WASHC4: variants seen among roughly 807,000 people sequenced by gnomAD.
WASHC4 encodes WASH complex subunit 7.
WASHC4 carries 86 observed loss-of-function variants against 166.6 expected under a neutral mutation model. The observed-to-expected ratio is 0.52, with a 90% CI of 0.43 to 0.62. The LOEUF is 0.62. Among genes scored for constraint, WASHC4 ranks in the 20% least tolerant of loss-of-function variants. The probability of loss-of-function intolerance (pLI) is 0.00; values close to 1 mark genes in which losing one functional copy is unlikely to be tolerated. For synonymous variants in WASHC4, 446 were observed against 451.6 expected (o/e 0.99, Z 0.16); for missense variants, 1,262 against 1,382.4 (o/e 0.91, Z 1.38).
intron 9 of WASHC4, 72 bp from the exon 10 acceptor site, chr12:105,122,046 A>G (rs954723436): frequency 1.8e-5 from 21 of 1,154,622 alleles, no homozygotes; most frequent in African/African-American, 6.3e-5. Context: ...TTTGACTTCC[A>G]GGAAAATTTT....
Position 105,122,173 on chromosome 12 carries a change from T to G in WASHC4, c.721T>G (p.Leu241Val), listed in dbSNP as rs768481695. 6.2e-7 allele frequency: 1 copy of G among 1,611,408 alleles called. No individual in the cohort carries two copies. The highest frequency in any genetic ancestry group is 1.3e-5 in the African/African-American group (1 of 74,976). Reference sequence around the variant, plus strand: ...AAAATTTGGAATTCAGGAAGAAAAATTAAAGCCATTTGAAAAGTTCTTGCT... The same window carrying G: ...AAAATTTGGAATTCAGGAAGAAAAAGTAAAGCCATTTGAAAAGTTCTTGCT... ...PSKFGIQEEK[L>V]KPFEKFLLKL... is the part of the protein sequence containing the mutation. Residue 241 changes from leucine (L) to valine (V), a missense_variant, in exon 10 of 33, where the codon TTA becomes GTA. By Grantham distance (32) the Leu-to-Val change is conservative. Transcript: ENST00000332180.
intron 14 of WASHC4, among the ~76,000 whole-genome samples, chr12:105,136,211 C>T (rs1435703218): frequency 6.6e-6 from 1 of 152,096 alleles, no homozygotes; most frequent in South Asian, 2.1e-4. Flanking sequence ...CTCCGATGAG[C>T]CCCAAGCTCC....
intron 24 of WASHC4, 122 bp downstream of exon 24, chr12:105,147,268 AT>A (rs3215374): frequency 0.19 from 128,704 of 693,682 alleles, 12,890 homozygotes; most frequent in Admixed American, 0.23. Context: ...ATGAATTTCC[AT>A]TTTTTTTCTG....
chr12:105,157,203 A>G (rs764097348), intron 27 of WASHC4, 33 bp from the exon 28 acceptor site: 1 of 1,077,168 alleles, frequency 9.3e-7, no homozygotes, highest in Admixed American at 1.7e-5. Context: ...ATTTTACTTG[A>G]CCTAATAAAT....
intron 31 of WASHC4, 76 bp from the exon 32 acceptor site, chr12:105,164,564 TA>T (rs975576008): frequency 1.9e-6 from 2 of 1,042,130 alleles, no homozygotes; most frequent in African/African-American, 1.6e-5. Context: ...ATAAGAGGCA[TA>T]AAAATGCATA....
At chr12:105,112,556 AG>A (rs1373027691) in intron 2 of WASHC4, among the ~76,000 whole-genome samples, 24 of 152,288 alleles carry the variant, frequency 1.6e-4, no homozygotes, top group Middle Eastern at 3.4e-3. Context: ...TGAGGGTTCC[AG>A]TTTCTCTACA....
intron 25 of WASHC4, among the ~76,000 whole-genome samples, chr12:105,150,005 A>G (rs180812691): frequency 3.9e-5 from 6 of 152,344 alleles, no homozygotes; most frequent in Admixed American, 3.3e-4. Flanking sequence ...GCAATATAGA[A>G]TGGATAAACT....
chr12:105,136,693 T>C (rs897048151), intron 14 of WASHC4, among the ~76,000 whole-genome samples: 3 of 152,200 alleles, frequency 2.0e-5, no homozygotes, highest in Admixed American at 2.0e-4. Flanking sequence ...TTCCCAGGGC[T>C]GCACTAGAGT....
At position 105,126,139 on chromosome 12, in the gene WASHC4, C is replaced by A. The variant is rs753786958; in HGVS notation, c.910+12C>A. 2 of 1,612,692 alleles carry A rather than the reference C, an allele frequency of 1.2e-6. No individual in the cohort carries two copies. Among genetic ancestry groups the A allele is most frequent in the Non-Finnish European group, 1.7e-6 (2 of 1,179,248 alleles). On this transcript the variant is annotated intron_variant, in intron 11 of 32. Transcript: ENST00000332180. Reference sequence around the variant, plus strand: ...AGAAGCCAAACTTGGTAATGTAAATCGCATTTTTTGGTTTTTGTTTATAAA... The same window carrying A: ...AGAAGCCAAACTTGGTAATGTAAATAGCATTTTTTGGTTTTTGTTTATAAA...
chr12:105,133,749 C>T, intron 13 of WASHC4, 21 bp from the exon 14 acceptor site: 2 of 1,607,656 alleles, frequency 1.2e-6, no homozygotes, highest in Non-Finnish European at 1.7e-6. Flanking sequence ...GCTGAGTAAC[C>T]CCAATATTTT....
intron 7 of WASHC4, among the ~76,000 whole-genome samples, chr12:105,119,176 C>G (rs904659039): frequency 6.6e-6 from 1 of 152,094 alleles, no homozygotes; most frequent in South Asian, 2.1e-4. Flanking sequence ...GAGAAGAAGC[C>G]TCATGGAATT....
rs114471949 is a variant in WASHC4, at chr12:105,149,777, T to A, written c.2649+28T>A. ...AGGCTACCTATTCTTTTTAAGGTAT[T>A]TGATTAAGCTATTGAGTATATGGCA... On this transcript the variant is annotated intron_variant, in intron 25 of 32. Coordinates refer to ENST00000332180, the MANE Select transcript of WASHC4 (RefSeq NM_015275.3). 4.3e-4 allele frequency: 672 copies of A among 1,579,616 alleles called. 3 individuals carry two copies. In the African/African-American group the frequency reaches 8.0e-3, roughly 19 times the overall value.
At chr12:105,142,010 G>A (rs1281765018) in intron 18 of WASHC4, among the ~76,000 whole-genome samples, 1 of 71,004 alleles carries the variant, frequency 1.4e-5, no homozygotes, top group East Asian at 3.8e-4. Flanking sequence ...GGGGCGGGGG[G>A]GGTCACAATT....
intron 2 of WASHC4, 50 bp downstream of exon 2, chr12:105,111,314 A>G (rs1413876267): frequency 1.7e-6 from 2 of 1,163,898 alleles, no homozygotes; most frequent in Non-Finnish European, 2.5e-6. Flanking sequence ...TGGACATACT[A>G]TATCCTGAAA....
At chr12:105,163,678 T>A (rs1338976914) in intron 30 of WASHC4, among the ~76,000 whole-genome samples, 3 of 151,902 alleles carry the variant, frequency 2.0e-5, no homozygotes, top group Admixed American at 6.6e-5. Context: ...ATTAAAAAAA[T>A]TTTTGTTTTT....
intron 27 of WASHC4, 135 bp downstream of exon 27, chr12:105,156,927 T>C: frequency 2.7e-6 from 2 of 740,540 alleles, no homozygotes; most frequent in Non-Finnish European, 4.7e-6. Context: ...GGAAGAAAAC[T>C]ATTAATTCTA....
At position 105,167,392 on chromosome 12, in the gene WASHC4, T is replaced by G. The variant is rs1192076025; in HGVS notation, c.*461T>G. The G allele has an allele frequency of 6.1e-6, 1 of 164,360 alleles. No individual in the cohort carries two copies. Among genetic ancestry groups the G allele is most frequent in the Admixed American group, 5.8e-5 (1 of 17,300 alleles). The allele number at this position is 164,360 out of a possible 1,614,324, so 10.2% of individuals were successfully genotyped here. A position where few individuals can be genotyped will look rare whatever the true frequency, so the allele number is the denominator to read the frequency against. ...AGTTCATAAAGAATACATATCAATA[T>G]TCTTATAAAAGGAATATATGAAGAT... On this transcript the variant is annotated 3_prime_UTR_variant, in exon 33 of 33. Coordinates refer to ENST00000332180, the MANE Select transcript of WASHC4 (RefSeq NM_015275.3).
chr12:105,144,265 G>C (rs1322291529), intron 20 of WASHC4, 22 bp from the exon 21 acceptor site: 1 of 1,594,986 alleles, frequency 6.3e-7, no homozygotes, highest in Non-Finnish European at 8.6e-7. Flanking sequence ...AAAAATTAAA[G>C]TATCAAATCT....
chr12:105,112,543 G>A (rs1879796800), intron 2 of WASHC4, among the ~76,000 whole-genome samples: 1 of 152,122 alleles, frequency 6.6e-6, no homozygotes, highest in South Asian at 2.1e-4. Context: ...TACCAGCACT[G>A]CATGAGGGTT....
Sources: allele counts gnomAD v4.1 joint callset (sites outside exome capture counted in the v4.1 genomes callset), GRCh38; gene constraint gnomAD v4.1.1; transcripts MANE v1.5; gene names NCBI Gene and HGNC (gene_info 2026-07-23, HGNC 2026-07-21).